Variants in ELP5 observed in about 807,000 individuals in gnomAD.
ELP5 encodes elongator acetyltransferase complex subunit 5.
In ELP5, 34 loss-of-function variants were observed where a neutral mutation model predicts 33.4. The ratio of observed to expected loss-of-function variants is 1.02; its 90% CI spans 0.78 to 1.36. The LOEUF is 1.36. ELP5 is among the 40% of genes most tolerant of loss of function. ELP5 has a pLI of 0.00. For missense variants in ELP5, 373 were observed against 371.7 expected, an observed-to-expected ratio of 1.00 and a Z score of -0.03; for synonymous variants, 161 against 146.4, an observed-to-expected ratio of 1.10 and a Z score of -0.72.
Position 7,253,013 on chromosome 17 carries a change from G to A in ELP5, c.188+15G>A. On this transcript the variant is annotated intron_variant, in intron 3 of 7. Coordinates refer to ENST00000396628, the MANE Select transcript of ELP5 (RefSeq NM_203414.3). ...ATCAACAATCGGTAAGTACCAGTTGGAAGAGATTTGATTAAATTTGAGACC... is the reference window on the plus strand; with the variant it reads ...ATCAACAATCGGTAAGTACCAGTTGAAAGAGATTTGATTAAATTTGAGACC... 6.2e-7 allele frequency: 1 copy of A among 1,613,288 alleles called. No individual in the cohort carries two copies. Among genetic ancestry groups the A allele is most frequent in the Non-Finnish European group, 8.5e-7 (1 of 1,179,222 alleles).
rs770584252 is a variant in ELP5, at chr17:7,254,644, C to A, written c.250C>A (p.Pro84Thr). 2.2e-5 allele frequency: 36 copies of A among 1,614,006 alleles called. No individual in the cohort carries two copies. The highest frequency in any genetic ancestry group is 3.1e-5 in the Non-Finnish European group (36 of 1,180,028). The change falls in exon 4 of 8, where the codon CCT (proline) becomes ACT (threonine). Residue 84 changes from proline to threonine, a missense_variant. Physicochemically the swap from Pro to Thr is conservative, Grantham distance 38. Coordinates refer to ENST00000396628, the MANE Select transcript of ELP5 (RefSeq NM_203414.3). ...CTGGTCAAAAACTGAGGAGGCCTTT[C>A]CTGGGGGGCCGCTGGGAGCCTTGAG... is the stretch of plus-strand genomic sequence containing the variant. ...LNWSKTEEAF[P>T]GGPLGALRAM...
At chr17:7,258,744 G>C (rs750225985) in intron 6 of ELP5, 61 bp downstream of exon 6, 27 of 1,613,926 alleles carry the variant, frequency 1.7e-5, no homozygotes, top group Non-Finnish European at 2.2e-5. Context: ...TCACGGGAGA[G>C]AAAATAAAAG....
Position 7,252,541 on chromosome 17 carries a change from C to A in ELP5, c.-10C>A, listed in dbSNP as rs749660560. On this transcript the variant is annotated 5_prime_UTR_variant, in exon 1 of 8. Transcript: ENST00000396628. ...AGGGCGCCAGAGCAGGGACCGGACGCGAGTTGGAGATGTTGGACTCGCTGT... is the reference window on the plus strand; with the variant it reads ...AGGGCGCCAGAGCAGGGACCGGACGAGAGTTGGAGATGTTGGACTCGCTGT... 6.2e-7 allele frequency: 1 copy of A among 1,613,826 alleles called. No homozygotes were observed. Among genetic ancestry groups the A allele is most frequent in the Admixed American group, 1.7e-5 (1 of 60,018 alleles).
intron 1 of ELP5, 24 bp from the exon 2 acceptor site, chr17:7,252,746 C>G (rs750772049): frequency 1.2e-6 from 2 of 1,614,046 alleles, no homozygotes; most frequent in East Asian, 4.5e-5. Context: ...CTCTCATACC[C>G]TTTATCCGTC....
Position 7,259,811 on chromosome 17 carries a change from G to A in ELP5, c.*126G>A, listed in dbSNP as rs754745755. 36 of 1,476,100 alleles carry A rather than the reference G, an allele frequency of 2.4e-5. No individual in the cohort carries two copies. The highest frequency in any genetic ancestry group is 3.1e-5 in the Non-Finnish European group (34 of 1,110,828). 91.4% of individuals were successfully genotyped at this position (1,476,100 alleles called of 1,614,324 possible). A position where few individuals can be genotyped will look rare whatever the true frequency, so the allele number is the denominator to read the frequency against. On this transcript the variant is annotated 3_prime_UTR_variant, in exon 8 of 8. Coordinates refer to ENST00000396628, the MANE Select transcript of ELP5 (RefSeq NM_203414.3). Reference sequence around the variant, plus strand: ...CCCACCTTGGTTCCCCTTGTCTATGGAGCCCCGCCTTGTGAGCCAGGAAGC... The same window carrying A: ...CCCACCTTGGTTCCCCTTGTCTATGAAGCCCCGCCTTGTGAGCCAGGAAGC...
intron 3 of ELP5, among the ~76,000 whole-genome samples, chr17:7,254,052 GA>G (rs1227280410): frequency 9.3e-5 from 14 of 150,544 alleles, no homozygotes; most frequent in African/African-American, 3.4e-4. Context: ...AGATATCTGG[GA>G]AAAAAAGTTC....
At chr17:7,259,174 G>A in intron 7 of ELP5, 1 of 1,402,864 alleles carries the variant, frequency 7.1e-7, no homozygotes, top group Non-Finnish European at 9.3e-7. Flanking sequence ...GGCCTGGGCT[G>A]AGCCAGACCA....
upstream of ELP5, chr17:7,251,819 GA>G (rs139127661): frequency 0.54 from 80,724 of 149,084 alleles, 22,801 homozygotes; most frequent in Middle Eastern, 0.7. Flanking sequence ...AAGGAGCAGG[GA>G]AGGAGGGGGA....
intron 7 of ELP5, 126 bp from the exon 8 acceptor site, chr17:7,259,445 C>T: frequency 6.6e-7 from 1 of 1,513,224 alleles, no homozygotes; most frequent in Non-Finnish European, 8.8e-7. Flanking sequence ...GAGAAAGGGA[C>T]TTGGACCAAT....
intron 3 of ELP5, among the ~76,000 whole-genome samples, chr17:7,254,208 A>G (rs1051236238): frequency 6.6e-6 from 1 of 152,218 alleles, no homozygotes; most frequent in Non-Finnish European, 1.5e-5. Context: ...CCAGGGTGAT[A>G]ATCTTTAGGT....
upstream of ELP5, chr17:7,251,794 C>G (rs965478858): frequency 7.3e-6 from 1 of 137,106 alleles, no homozygotes; most frequent in Non-Finnish European, 1.5e-5. Flanking sequence ...CAGCGGAGAA[C>G]GGGCCTGCAG....
intron 7 of ELP5, chr17:7,259,281 C>G: frequency 7.3e-7 from 1 of 1,375,172 alleles, no homozygotes; most frequent in East Asian, 2.8e-5. Context: ...GCTTAGTACA[C>G]GCTTGCTGTT....
Position 7,257,542 on chromosome 17 carries a change from TG to T in ELP5, c.591+505del, listed in dbSNP as rs145199824. On this transcript the variant is annotated intron_variant, in intron 5 of 7. Transcript: ENST00000396628. ...ACCTCCCATGTTCAAGTGATCCTCC[TG>T]CCTCAGCCTCTGGTGTAGCTGGAGG... Among the ~76,000 whole-genome samples, 3,864 of 151,736 alleles carry T rather than the reference TG, an allele frequency of 0.025. 254 individuals are homozygous for T. In the East Asian group the frequency reaches 0.28, roughly 11 times the overall value.
Position 7,252,454 on chromosome 17 carries a change from C to T in ELP5, c.-97C>T. Reference sequence around the variant, plus strand: ...ATGTTAGGTCTTAATGGTGGGAGGACGCCCGAGTGCTCGGCCCGTTTCACC... The same window carrying T: ...ATGTTAGGTCTTAATGGTGGGAGGATGCCCGAGTGCTCGGCCCGTTTCACC... On this transcript the variant is annotated 5_prime_UTR_variant, in exon 1 of 8. In the 5' UTR this introduces an upstream ATG that the reference lacks. Transcript: ENST00000396628. 1 of 1,568,732 alleles carries T rather than the reference C, an allele frequency of 6.4e-7. No individual in the cohort carries two copies. Among genetic ancestry groups the T allele is most frequent in the East Asian group, 2.3e-5 (1 of 44,360 alleles).
chr17:7,256,390 G>A (rs569794755), intron 4 of ELP5, among the ~76,000 whole-genome samples: 41 of 152,318 alleles, frequency 2.7e-4, no homozygotes, highest in Non-Finnish European at 5.0e-4. Flanking sequence ...ATTTCATACA[G>A]TTTGACCTAA....
chr17:7,254,476 GA>G (rs1443924302), intron 3 of ELP5, 106 bp from the exon 4 acceptor site: 2 of 749,036 alleles, frequency 2.7e-6, no homozygotes, highest in Middle Eastern at 3.9e-4. Flanking sequence ...TAATATTTAG[GA>G]TATTCATAAA....
chr17:7,252,696 T>C lies in ELP5; in HGVS notation c.47-74T>C, dbSNP rs941680921. The C allele has an allele frequency of 2.5e-6, 4 of 1,610,346 alleles. No homozygotes were observed. In the African/African-American group the frequency reaches 4.0e-5, roughly 16 times the overall value. ...AGGGCCAGGGGTCACAGGCTAGGTG[T>C]GGAAATCGCGACGGGTTCGCGAAGG... On this transcript the variant is annotated intron_variant, in intron 1 of 7. Transcript: ENST00000396628.
At chr17:7,259,361 G>C (rs1045965583) in intron 7 of ELP5, 6 of 1,404,946 alleles carry the variant, frequency 4.3e-6, no homozygotes, top group Non-Finnish European at 5.5e-6. Flanking sequence ...AGGAACTTAC[G>C]GTTTTATTAG....
chr17:7,252,369 C>A lies in ELP5; in HGVS notation c.-182C>A. 1 of 879,558 alleles carries A rather than the reference C, an allele frequency of 1.1e-6. No individual in the cohort carries two copies. The highest frequency in any genetic ancestry group is 1.5e-5 in the South Asian group (1 of 67,642). The allele number at this position is 879,558 out of a possible 1,614,324, so 54.5% of individuals were successfully genotyped here. A position where few individuals can be genotyped will look rare whatever the true frequency, so the allele number is the denominator to read the frequency against. ...CTGTGCGCCAGGGCTCGGGGAGGGG[C>A]GCCCTCCGCGTGAGCGCCCCCCTGG... On this transcript the variant is annotated 5_prime_UTR_variant, in exon 1 of 8. Transcript: ENST00000396628.
Sources: gnomAD v4.1 joint callset for allele counts (sites outside exome capture counted in the v4.1 genomes callset) on GRCh38, gnomAD v4.1.1 for gene constraint, MANE v1.5 for transcripts, NCBI Gene and HGNC (gene_info 2026-07-23, HGNC 2026-07-21) for gene names.